Variants in RIF1 observed in about 807,000 individuals in gnomAD.
RIF1 encodes replication timing regulatory factor 1, also known as telomere-associated protein RIF1.
RIF1 carries 45 observed loss-of-function variants against 247.1 expected under a neutral mutation model. The ratio of observed to expected loss-of-function variants is 0.18; its 90% CI spans 0.14 to 0.23. RIF1 has a LOEUF of 0.23. Among genes scored for constraint, RIF1 ranks in the 10% least tolerant of loss-of-function variants. The pLI, the probability that RIF1 is intolerant of heterozygous loss-of-function variation, is 1.00. For missense variants in RIF1, 2,967 were observed against 2,862.5 expected, an observed-to-expected ratio of 1.04 and a Z score of -0.83; for synonymous variants, 1,087 against 978.8, an observed-to-expected ratio of 1.11 and a Z score of -2.06.
In RIF1 at chr2:151,505,575, A is replaced by C. The variant is rs773618223; in HGVS notation, c.*862-635A>C. 1.2e-4 allele frequency: 197 copies of C among 1,607,970 alleles called. No individual in the cohort carries two copies. The highest frequency in any genetic ancestry group is 1.6e-4 in the Non-Finnish European group (193 of 1,174,510). On this transcript the variant is annotated intron_variant and NMD_transcript_variant, in intron 12 of 13. Coordinates refer to the RIF1 transcript ENST00000454583. The stretch of plus-strand genomic sequence containing the variant: ...TATTGCTTCCTTATACTTCACCTGC[A>C]GATTTAAAAATGGGAAAAGAAAGGT...
rs755546881 is a variant in RIF1 at position 151,465,131 on chromosome 2, A to C, written c.5611A>C (p.Asn1871His). 8.1e-6 allele frequency: 13 copies of C among 1,612,076 alleles called. No individual in the cohort carries two copies. In the Middle Eastern group the frequency reaches 4.9e-4, roughly 61 times the overall value. ...TGGCCCGTGTTTAGGAGACTCGAAAAATGTTTCACAGGAATCTTTGGAGAC... is the reference window on the plus strand; with the variant it reads ...TGGCCCGTGTTTAGGAGACTCGAAACATGTTTCACAGGAATCTTTGGAGAC... ...TVGPCLGDSK[N>H]VSQESLETKE... is the part of the protein sequence containing the mutation. The change falls in exon 30 of 36, where the codon AAT becomes CAT. Residue 1871 changes from asparagine (N) to histidine (H), a missense_variant. Physicochemically the swap from Asn to His is moderately conservative, Grantham distance 68 (BLOSUM62 1). Transcript: ENST00000444746.
chr2:151,441,873 T>C (rs756893815), intron 15 of RIF1, 32 bp from the exon 16 acceptor site: 1 of 1,016,752 alleles, frequency 9.8e-7, no homozygotes, highest in Non-Finnish European at 1.5e-6. Flanking sequence ...TTTTTACGGC[T>C]AATTTACTGT....
chr2:151,443,354 C>T lies in RIF1; in HGVS notation c.1805+25C>T, dbSNP rs765090247. The T allele has an allele frequency of 6.7e-6, 10 of 1,484,006 alleles. No individual in the cohort carries two copies. The South Asian group carries it at 1.1e-4, about 16-fold the overall frequency. The allele number at this position is 1,484,006 out of a possible 1,614,324, so 91.9% of individuals were successfully genotyped here. ...GGTAAGTTTGTACTTTAACTTGAAA[C>T]TTTGTCTTGGAAAGGTTATGTAATG... On this transcript the variant is annotated intron_variant, in intron 17 of 35. Coordinates refer to ENST00000444746, the MANE Select transcript of RIF1 (RefSeq NM_018151.5).
At chr2:151,503,623 T>G (rs77080541) in intron 12 of RIF1, among the ~76,000 whole-genome samples, 1 of 20,624 alleles carries the variant, frequency 4.8e-5, no homozygotes, top group Admixed American at 7.8e-4. Context: ...ATAGTAAAAA[T>G]TTTTACTACT....
At position 151,475,353 on chromosome 2, in the gene RIF1, C is replaced by CT. The variant is rs2048877873; in HGVS notation, c.*284dup. On this transcript the variant is annotated 3_prime_UTR_variant, in exon 36 of 36. Coordinates refer to ENST00000444746, the MANE Select transcript of RIF1 (RefSeq NM_018151.5). ...TGTGAAAGCAAAACTAGTAACAGAA[C>CT]TTACATTTTATTTCATGCTTTCTTA... is the stretch of plus-strand genomic sequence containing the variant. The CT allele has an allele frequency of 5.6e-6, 2 of 354,222 alleles. No homozygotes were observed. Among genetic ancestry groups the CT allele is most frequent in the African/African-American group, 2.2e-5 (1 of 46,188 alleles). The allele number at this position is 354,222 out of a possible 1,614,324, so 21.9% of individuals were successfully genotyped here.
intron 13 of RIF1, 146 bp from the exon 14 acceptor site, chr2:151,438,538 C>G (rs1235796535): frequency 1.6e-6 from 1 of 618,406 alleles, no homozygotes; most frequent in Non-Finnish European, 2.9e-6. Context: ...TATAAACTTA[C>G]TACAGGGTTG....
At chr2:151,511,776 T>C (rs1340703486), downstream of RIF1, among the ~76,000 whole-genome samples, 1 of 152,172 alleles carries the variant, frequency 6.6e-6, no homozygotes, top group Non-Finnish European at 1.5e-5. Flanking sequence ...GAGTTATTCA[T>C]CATGAGGGGA....
At chr2:151,531,077 T>C in the RIF1 span, 2 of 1,612,288 alleles carry the variant, frequency 1.2e-6, no homozygotes, top group Non-Finnish European at 1.7e-6. Flanking sequence ...GGTTTGGCCT[T>C]GTTGTATTCC....
In RIF1 at chr2:151,488,379, G is replaced by T. The variant is rs530661756; in HGVS notation, c.*415+5044G>T. The stretch of plus-strand genomic sequence containing the variant: ...AAAATAATTGTGGCCGGGCTGAGTG[G>T]CTGATGCCTGTAATCCCAGCATTTT... On this transcript the variant is annotated intron_variant and NMD_transcript_variant, in intron 9 of 13. Coordinates refer to the RIF1 transcript ENST00000454583. Among the ~76,000 whole-genome samples, 10 of 151,838 alleles carry T rather than the reference G, an allele frequency of 6.6e-5. No individual in the cohort carries two copies. The South Asian group carries it at 2.1e-3, about 32-fold the overall frequency.
At chr2:151,436,255 C>G (rs976049350) in intron 11 of RIF1, among the ~76,000 whole-genome samples, 4 of 151,768 alleles carry the variant, frequency 2.6e-5, no homozygotes, top group African/African-American at 4.8e-5. Flanking sequence ...AAAAACAACA[C>G]TTCAGCCAGG....
intron 25 of RIF1, among the ~76,000 whole-genome samples, chr2:151,459,367 AG>A (rs1695756611): frequency 6.6e-6 from 1 of 152,254 alleles, no homozygotes. Context: ...TAGTAGTTAA[AG>A]GCACGGGTAC....
intron 18 of RIF1, among the ~76,000 whole-genome samples, chr2:151,444,182 G>A (rs1159546974): frequency 1.3e-5 from 2 of 152,214 alleles, no homozygotes; most frequent in Admixed American, 1.3e-4. Context: ...AGTGGGTATA[G>A]TGGCAGGCTG....
rs941356186 is a variant in RIF1 at position 151,409,916 on chromosome 2, T to G, written c.-128T>G. The G allele has an allele frequency of 4.3e-6, 3 of 699,206 alleles. No homozygotes were observed. Among genetic ancestry groups the G allele is most frequent in the Non-Finnish European group, 7.8e-6 (3 of 383,378 alleles). The allele number at this position is 699,206 out of a possible 1,614,324, so 43.3% of individuals were successfully genotyped here. A position where few individuals can be genotyped will look rare whatever the true frequency, so the allele number is the denominator to read the frequency against. On this transcript the variant is annotated 5_prime_UTR_variant, in exon 1 of 36. Transcript: ENST00000444746. ...TGGGCCCGCCCAGCCGCCATCTTGG[T>G]CTAGGAGGGAGCGCGCCGCACGCGT...
chr2:151,502,836 G>A (rs2153103150), intron 11 of RIF1: 2 of 1,608,262 alleles, frequency 1.2e-6, no homozygotes, highest in East Asian at 2.2e-5. Flanking sequence ...CTCCATCTCT[G>A]GAGTGATAGG....
intron 9 of RIF1, among the ~76,000 whole-genome samples, chr2:151,489,323 G>T (rs2054083269): frequency 6.6e-6 from 1 of 152,130 alleles, no homozygotes; most frequent in African/African-American, 2.4e-5. Flanking sequence ...AGATGATTTG[G>T]CTTACCATTT....
intron 34 of RIF1, among the ~76,000 whole-genome samples, chr2:151,472,405 A>G (rs945164512): frequency 2.6e-5 from 4 of 152,126 alleles, no homozygotes; most frequent in Admixed American, 6.6e-5. Context: ...TTCCAACACT[A>G]TGTTGAATAG....
At chr2:151,506,440 A>C in intron 13 of RIF1, 1 of 567,556 alleles carries the variant, frequency 1.8e-6, no homozygotes, top group South Asian at 2.6e-5. Context: ...CCAGTTATAC[A>C]ACATGGATCT....
At chr2:151,488,071 T>G (rs2052592256) in intron 9 of RIF1, among the ~76,000 whole-genome samples, 1 of 152,216 alleles carries the variant, frequency 6.6e-6, no homozygotes, top group Non-Finnish European at 1.5e-5. Context: ...GAACACCTTT[T>G]TCTGTTGGCC....
In RIF1 at chr2:151,462,896, G is replaced by T; in HGVS notation, c.3376G>T (p.Asp1126Tyr). Residue 1126 changes from aspartate to tyrosine, a missense_variant, in exon 30 of 36, where the codon GAC becomes TAC. Coordinates refer to ENST00000444746, the MANE Select transcript of RIF1 (RefSeq NM_018151.5). ...TATTTCTGTGCAGGAGGAGCAAATG[G>T]ACAGTGACATTGTCATTCCTCAAGA... ...SKMMITEEQMDSDIVIPQDVT... is the reference protein window; with the variant it reads ...SKMMITEEQMYSDIVIPQDVT... 6.2e-7 allele frequency: 1 copy of T among 1,600,674 alleles called. No individual in the cohort carries two copies. The highest frequency in any genetic ancestry group is 1.1e-5 in the South Asian group (1 of 88,764).
Sources: allele counts gnomAD v4.1 joint callset (sites outside exome capture counted in the v4.1 genomes callset), GRCh38; gene constraint gnomAD v4.1.1; transcripts MANE v1.5; gene names NCBI Gene and HGNC (gene_info 2026-07-23, HGNC 2026-07-21).